The following MIPOL1 variants were observed in gnomAD, a reference collection of about 807,000 sequenced individuals.
The protein encoded by MIPOL1 is mirror-image polydactyly gene 1 protein.
Under a neutral mutation model 60.9 loss-of-function variants are expected in MIPOL1, and 57 were observed. That is an observed-to-expected ratio of 0.94 (90% confidence interval 0.76 to 1.17). The LOEUF is 1.17. Ranked by LOEUF, MIPOL1 falls within the 50% of genes most tolerant of loss-of-function variation. The pLI is 0.00. For missense variants in MIPOL1, 551 were observed against 511.6 expected, an observed-to-expected ratio of 1.08 and a Z score of -0.74; for synonymous variants, 179 against 168.8, an observed-to-expected ratio of 1.06 and a Z score of -0.47.
intron 12 of MIPOL1, among the ~76,000 whole-genome samples, chr14:37,512,513 A>G (rs1395429662): frequency 6.6e-6 from 1 of 151,438 alleles, no homozygotes; most frequent in African/African-American, 2.4e-5. Flanking sequence ...TCATCAATAC[A>G]TTTTACTAGA....
chr14:37,456,540 G>A (rs1309960797), intron 11 of MIPOL1, among the ~76,000 whole-genome samples: 1 of 151,988 alleles, frequency 6.6e-6, no homozygotes, highest in African/African-American at 2.4e-5. Context: ...CTATCTTGCC[G>A]TAATCCACTA....
intron 10 of MIPOL1, chr14:37,400,582 A>G (rs946490862): frequency 2.0e-5 from 3 of 152,132 alleles, no homozygotes; most frequent in Non-Finnish European, 4.4e-5. Flanking sequence ...AAGGAGGACT[A>G]TTTTCCACTT....
At chr14:37,396,733 C>G (rs540312540) in intron 10 of MIPOL1, among the ~76,000 whole-genome samples, 10 of 152,208 alleles carry the variant, frequency 6.6e-5, no homozygotes, top group Admixed American at 2.6e-4. Context: ...TCTTCAAGCT[C>G]TGAATTTCTT....
At chr14:37,452,302 C>T (rs2094432362) in intron 11 of MIPOL1, among the ~76,000 whole-genome samples, 1 of 152,084 alleles carries the variant, frequency 6.6e-6, no homozygotes. Flanking sequence ...TTTAATATAG[C>T]AGAAAAGCAT....
At chr14:37,351,469 C>T (rs2091369528) in intron 9 of MIPOL1, among the ~76,000 whole-genome samples, 1 of 151,920 alleles carries the variant, frequency 6.6e-6, no homozygotes, top group Admixed American at 6.6e-5. Context: ...TTCTAGATCC[C>T]TGAGGAATCG....
At chr14:37,397,464 G>A (rs1218363564) in intron 10 of MIPOL1, among the ~76,000 whole-genome samples, 1 of 152,142 alleles carries the variant, frequency 6.6e-6, no homozygotes. Context: ...TGTGCTGGTT[G>A]GCCTCCTGCC....
intron 11 of MIPOL1, among the ~76,000 whole-genome samples, chr14:37,473,610 G>A (rs753213384): frequency 2.6e-5 from 4 of 152,012 alleles, no homozygotes; most frequent in Admixed American, 1.3e-4. Context: ...TTAGACTCAC[G>A]GCACAATTAA....
intron 6 of MIPOL1, 68 bp downstream of exon 6, chr14:37,270,593 G>A: frequency 1.3e-6 from 1 of 750,806 alleles, no homozygotes; most frequent in Non-Finnish European, 2.0e-6. Flanking sequence ...GATGTATCTT[G>A]GTGAATACTA....
intron 10 of MIPOL1, among the ~76,000 whole-genome samples, chr14:37,403,100 C>T (rs144520896): frequency 3.3e-5 from 5 of 152,316 alleles, no homozygotes; most frequent in African/African-American, 1.2e-4. Context: ...GATATTTACT[C>T]TCACTGCTAC....
chr14:37,364,103 C>T (rs117356044), intron 9 of MIPOL1, among the ~76,000 whole-genome samples: 2,607 of 152,310 alleles, frequency 0.017, 30 homozygotes, highest in Non-Finnish European at 0.025. Context: ...GGTGAGGTGA[C>T]GCCCTGCCCT....
At chr14:37,397,825 C>G (rs1333332900) in intron 10 of MIPOL1, among the ~76,000 whole-genome samples, 2 of 152,122 alleles carry the variant, frequency 1.3e-5, no homozygotes, top group African/African-American at 4.8e-5. Context: ...CCGCTGTGGC[C>G]CCTCTAACAA....
chr14:37,300,184 A>G (rs922325135), intron 7 of MIPOL1, among the ~76,000 whole-genome samples: 3 of 150,004 alleles, frequency 2.0e-5, no homozygotes, highest in Admixed American at 6.7e-5. Context: ...TTCATACTCT[A>G]CTCTTTGGAA....
chr14:37,433,582 G>A (rs1369614156), intron 11 of MIPOL1, among the ~76,000 whole-genome samples: 1 of 152,036 alleles, frequency 6.6e-6, no homozygotes, highest in African/African-American at 2.4e-5. Context: ...TTGAGACCAA[G>A]TCTCGATCTG....
At chr14:37,513,782 GCTGT>G (rs1278864228) in intron 12 of MIPOL1, among the ~76,000 whole-genome samples, 1 of 152,108 alleles carries the variant, frequency 6.6e-6, no homozygotes, top group African/African-American at 2.4e-5. Context: ...CATTTCAGAG[GCTGT>G]CTTCCAGTGA....
At position 37,548,622 on chromosome 14, in the gene MIPOL1, T is replaced by C. The variant is rs908650073; in HGVS notation, c.*1651T>C. ...TCCCTATGTGAAGAAACATTATCTT[T>C]AAAGTCATCTGGGAGGTGCAGGTAA... is the stretch of plus-strand genomic sequence containing the variant. On this transcript the variant is annotated 3_prime_UTR_variant, in exon 13 of 13. Coordinates refer to ENST00000684589, the MANE Select transcript of MIPOL1 (RefSeq NM_001388067.1). 1 of 151,970 alleles carries C rather than the reference T, an allele frequency of 6.6e-6. No individual in the cohort carries two copies. The highest frequency in any genetic ancestry group is 2.4e-5 in the African/African-American group (1 of 41,444). 9.4% of individuals were successfully genotyped at this position (151,970 alleles called of 1,614,324 possible).
intron 11 of MIPOL1, among the ~76,000 whole-genome samples, chr14:37,484,072 C>A (rs2094913231): frequency 6.6e-6 from 1 of 152,164 alleles, no homozygotes; most frequent in Admixed American, 6.5e-5. Flanking sequence ...GTATATATAT[C>A]CAATGCAATA....
At chr14:37,493,024 A>G (rs1350735612) in intron 11 of MIPOL1, among the ~76,000 whole-genome samples, 1 of 152,226 alleles carries the variant, frequency 6.6e-6, no homozygotes, top group African/African-American at 2.4e-5. Context: ...TAAAATAAAT[A>G]GCATATATAC....
intron 10 of MIPOL1, 103 bp from the exon 11 acceptor site, chr14:37,422,752 T>C (rs1352445131): frequency 1.3e-5 from 9 of 708,122 alleles, no homozygotes; most frequent in Non-Finnish European, 1.9e-5. Flanking sequence ...ATAGGTTTTT[T>C]TTTTTAACTG....
intron 11 of MIPOL1, among the ~76,000 whole-genome samples, chr14:37,451,540 A>G (rs891526182): frequency 4.0e-5 from 6 of 151,252 alleles, no homozygotes; most frequent in African/African-American, 1.5e-4. Flanking sequence ...TTCTTAAACA[A>G]TGAGCTTTTC....
Sources: gnomAD v4.1 joint callset for allele counts (sites outside exome capture counted in the v4.1 genomes callset) on GRCh38, gnomAD v4.1.1 for gene constraint, MANE v1.5 for transcripts, NCBI Gene and HGNC (gene_info 2026-07-23, HGNC 2026-07-21) for gene names.